The following USP9Y variants were observed in gnomAD, a reference collection of about 807,000 sequenced individuals.
USP9Y encodes ubiquitin carboxyl-terminal hydrolase 9Y.
USP9Y carries 41 observed loss-of-function variants against 53.1 expected under a neutral mutation model. The observed-to-expected ratio is 0.77, with a 90% confidence interval of 0.60 to 1.00. The LOEUF is 1.00. Among genes scored for constraint, USP9Y ranks in the 50% least tolerant of loss-of-function variants. The pLI is 0.00. For missense variants in USP9Y, 567 were observed against 535.8 expected, an observed-to-expected ratio of 1.06 and a Z score of -0.58; for synonymous variants, 220 against 173.7, an observed-to-expected ratio of 1.27 and a Z score of -2.09.
intron 33 of USP9Y, among the ~76,000 whole-genome samples, chrY:12,819,048 G>A (rs751288233): frequency 3.0e-5 from 1 of 33,074 alleles, no homozygotes; most frequent in South Asian, 6.8e-4. Context: ...GTGTGGTGGC[G>A]CATGCCTGTA....
chrY:12,839,688 G>A, intron 35 of USP9Y, among the ~76,000 whole-genome samples, 176 bp from the exon 36 acceptor site: 2 of 32,935 alleles, frequency 6.1e-5, no homozygotes, highest in Admixed American at 2.8e-4. Context: ...GCTTTGGTAA[G>A]TAAGGATTCT....
chrY:12,705,075 T>C (rs1286675747), intron 1 of USP9Y, among the ~76,000 whole-genome samples: 1 of 33,320 alleles, frequency 3.0e-5, no homozygotes, highest in Non-Finnish European at 7.5e-5. Context: ...AGGCCAGCAT[T>C]TTACAGGTAT....
chrY:12,775,118 G>C, intron 17 of USP9Y, among the ~76,000 whole-genome samples: 1 of 32,641 alleles, frequency 3.1e-5, no homozygotes, highest in South Asian at 6.8e-4. Context: ...AAAATTGCTG[G>C]GGCCAGCAGG....
intron 36 of USP9Y, 57 bp downstream of exon 36, chrY:12,840,671 A>G: frequency 3.0e-6 from 1 of 335,494 alleles, no homozygotes; most frequent in South Asian, 3.2e-5. Context: ...GGCTTCTAGG[A>G]TACCTTACAG....
At chrY:12,788,195 T>C in intron 24 of USP9Y, among the ~76,000 whole-genome samples, 1 of 33,702 alleles carries the variant, frequency 3.0e-5, no homozygotes, top group African/African-American at 1.2e-4. Flanking sequence ...AAGTTATGAA[T>C]AGAGAATATT....
chrY:12,830,201 A>G, intron 33 of USP9Y, among the ~76,000 whole-genome samples: 1 of 33,575 alleles, frequency 3.0e-5, no homozygotes, highest in Non-Finnish European at 7.4e-5. Context: ...GGATTAAGCT[A>G]TTGACACACT....
At chrY:12,721,979 T>A in intron 4 of USP9Y, 129 bp from the exon 5 acceptor site, 1 of 179,652 alleles carries the variant, frequency 5.6e-6, no homozygotes, top group Non-Finnish European at 1.0e-5. Flanking sequence ...GAAGTCTATA[T>A]GGTGAATATA....
intron 12 of USP9Y, 69 bp downstream of exon 12, chrY:12,739,698 T>C (rs760862048): frequency 4.8e-4 from 102 of 210,563 alleles, no homozygotes; most frequent in Non-Finnish European, 7.6e-4. Flanking sequence ...TAAAGTTTAA[T>C]TCGTTAGATT....
intron 45 of USP9Y, among the ~76,000 whole-genome samples, chrY:12,858,078 T>C: frequency 2.9e-5 from 1 of 33,988 alleles, no homozygotes; most frequent in Non-Finnish European, 7.3e-5. Context: ...CTGGCTTTAA[T>C]AGATGGTTAA....
intron 7 of USP9Y, among the ~76,000 whole-genome samples, chrY:12,735,344 C>A: frequency 3.0e-5 from 1 of 32,940 alleles, no homozygotes. Context: ...GAGATATAAA[C>A]AATACCAGTT....
Position 12,739,535 on chromosome Y carries a change from A to G in USP9Y, c.1328A>G (p.His443Arg). The change falls in exon 12 of 46, where the codon CAT becomes CGT. Residue 443 changes from histidine to arginine, a missense_variant. Transcript: ENST00000338981. ...DNIWAAQAGK[H>R]EAIVKNVHDL... The stretch of plus-strand genomic sequence containing the variant: ...TTGTTTTTTCAACAGGCAGGAAAAC[A>G]TGAAGCCATTGTGAAGAATGTACAT... 1 of 393,641 alleles carries G rather than the reference A, an allele frequency of 2.5e-6. No individual in the cohort carries two copies. Among genetic ancestry groups the G allele is most frequent in the Non-Finnish European group, 3.6e-6 (1 of 280,699 alleles).
chrY:12,859,487 G>C lies in USP9Y; in HGVS notation c.*71G>C. 1 of 360,141 alleles carries C rather than the reference G, an allele frequency of 2.8e-6. No individual in the cohort carries two copies. Among genetic ancestry groups the C allele is most frequent in the Non-Finnish European group, 4.0e-6 (1 of 250,268 alleles). The allele number at this position is 360,141 out of a possible 400,897, so 89.8% of individuals were successfully genotyped here. A position where few individuals can be genotyped will look rare whatever the true frequency, so the allele number is the denominator to read the frequency against. Reference sequence around the variant, plus strand: ...TATAGTCCAAACTTTCTCTGTGTCTGGCTAGTATTGAAAACTAGATAAACT... The same window carrying C: ...TATAGTCCAAACTTTCTCTGTGTCTCGCTAGTATTGAAAACTAGATAAACT... On this transcript the variant is annotated 3_prime_UTR_variant, in exon 46 of 46. Coordinates refer to ENST00000338981, the MANE Select transcript of USP9Y (RefSeq NM_004654.4).
At chrY:12,827,779 A>G in intron 33 of USP9Y, among the ~76,000 whole-genome samples, 1 of 32,533 alleles carries the variant, frequency 3.1e-5, no homozygotes, top group Admixed American at 2.9e-4. Context: ...CCTGGCCAAC[A>G]TGGTTAAACC....
In USP9Y at chrY:12,736,472, A is replaced by T. The variant is rs1284160385; in HGVS notation, c.1087A>T (p.Ile363Leu). 1 of 392,831 alleles carries T rather than the reference A, an allele frequency of 2.5e-6. No individual in the cohort carries two copies. Among genetic ancestry groups the T allele is most frequent in the Admixed American group, 7.5e-5 (1 of 13,402 alleles). ...MNALNEINKV[I>L]SSVSYYTHRH... ...TGCACTGAATGAAATAAATAAGGTT[A>T]TATCTAGTGTATCATATTATACTCA... Residue 363 changes from isoleucine to leucine, a missense_variant, in exon 10 of 46, where the codon ATA (isoleucine) becomes TTA (leucine). Physicochemically the swap from Ile to Leu is conservative, Grantham distance 5. Transcript: ENST00000338981.
In USP9Y at chrY:12,774,002, A is replaced by C. The variant is rs749470738; in HGVS notation, c.2331+77A>C. 4.3e-3 allele frequency: 991 copies of C among 231,688 alleles called. No individual in the cohort carries two copies. The East Asian group carries it at 0.1, about 24-fold the overall frequency. 57.8% of individuals were successfully genotyped at this position (231,688 alleles called of 400,897 possible). On this transcript the variant is annotated intron_variant, in intron 17 of 45. Transcript: ENST00000338981. Reference sequence around the variant, plus strand: ...TTTTAAAAATAATTCAAGAGTCATAATTTTGCCTGAGAATTTCATGGCTAT... The same window carrying C: ...TTTTAAAAATAATTCAAGAGTCATACTTTTGCCTGAGAATTTCATGGCTAT...
chrY:12,786,927 T>C, intron 24 of USP9Y, 127 bp downstream of exon 24: 1 of 136,687 alleles, frequency 7.3e-6, no homozygotes, highest in Admixed American at 1.5e-4. Context: ...TGGAAATAAT[T>C]CAACAGATAG....
intron 5 of USP9Y, among the ~76,000 whole-genome samples, chrY:12,724,724 G>T: frequency 6.0e-5 from 2 of 33,428 alleles, no homozygotes; most frequent in Non-Finnish European, 1.5e-4. Flanking sequence ...GGAAAAATCA[G>T]ATTTTTTAAT....
intron 2 of USP9Y, among the ~76,000 whole-genome samples, chrY:12,709,174 C>T: frequency 1.8e-4 from 6 of 33,932 alleles, no homozygotes; most frequent in Non-Finnish European, 3.7e-4. Flanking sequence ...GTGATCCACC[C>T]GCCTTGGCCT....
intron 12 of USP9Y, among the ~76,000 whole-genome samples, chrY:12,743,250 T>G (rs2053458073): frequency 3.1e-5 from 1 of 31,960 alleles, no homozygotes; most frequent in African/African-American, 1.2e-4. Context: ...ATGTTTTTAT[T>G]GCTGTTGTTT....
Sources: allele counts gnomAD v4.1 joint callset (sites outside exome capture counted in the v4.1 genomes callset), GRCh38; gene constraint gnomAD v4.1.1; transcripts MANE v1.5; gene names NCBI Gene and HGNC (gene_info 2026-07-23, HGNC 2026-07-21).